Variants in NTN1 observed in about 807,000 individuals in gnomAD.
The protein encoded by NTN1 is netrin-1.
A neutral mutation model predicts 54.2 loss-of-function variants in NTN1; 11 were observed. The observed-to-expected ratio is 0.20, with a 90% CI of 0.13 to 0.34. NTN1 has a LOEUF of 0.34. Among genes scored for constraint, NTN1 ranks in the 10% least tolerant of loss-of-function variants. The pLI, the probability that NTN1 is intolerant of heterozygous loss-of-function variation, is 1.00. For missense variants in NTN1, 740 were observed against 893.1 expected, an observed-to-expected ratio of 0.83 and a Z score of 2.18; for synonymous variants, 371 against 382.0, an observed-to-expected ratio of 0.97 and a Z score of 0.33.
chr17:9,051,405 G>A (rs1020578961), intron 2 of NTN1, among the ~76,000 whole-genome samples: 2 of 152,188 alleles, frequency 1.3e-5, no homozygotes, highest in African/African-American at 4.8e-5. Flanking sequence ...GTAAATAAGA[G>A]CCAGTGCTCC....
At chr17:9,153,019 A>G (rs2092331984) in intron 2 of NTN1, among the ~76,000 whole-genome samples, 1 of 152,140 alleles carries the variant, frequency 6.6e-6, no homozygotes. Flanking sequence ...CTGTAATCCA[A>G]GCACTTTGGG....
intron 6 of NTN1, among the ~76,000 whole-genome samples, chr17:9,224,783 G>A (rs963569752): frequency 2.0e-5 from 3 of 148,234 alleles, no homozygotes; most frequent in African/African-American, 5.0e-5. Flanking sequence ...AAGGCTGGAG[G>A]AACAGCAGGT....
intron 2 of NTN1, among the ~76,000 whole-genome samples, chr17:9,062,307 T>C (rs2092001414): frequency 1.3e-5 from 2 of 152,242 alleles, no homozygotes; most frequent in African/African-American, 2.4e-5. Flanking sequence ...AGGAAAATGC[T>C]GTTTCTGTAC....
intron 2 of NTN1, among the ~76,000 whole-genome samples, chr17:9,108,878 C>A (rs2092179020): frequency 2.0e-5 from 3 of 151,858 alleles, no homozygotes; most frequent in Admixed American, 2.0e-4. Flanking sequence ...TCTTTCTTTT[C>A]TTTTCTTTCT....
upstream of NTN1, among the ~76,000 whole-genome samples, chr17:9,016,721 G>A (rs1031454941): frequency 1.3e-5 from 2 of 151,924 alleles, no homozygotes; most frequent in African/African-American, 4.8e-5. Context: ...TTGTCGCCCT[G>A]GCCCATCATA....
chr17:9,117,176 A>G (rs915778925), intron 2 of NTN1, among the ~76,000 whole-genome samples: 1 of 152,232 alleles, frequency 6.6e-6, no homozygotes, highest in African/African-American at 2.4e-5. Flanking sequence ...GCGCGTGAAT[A>G]GAGAGAAAGC....
rs73264131 is a variant in NTN1 at position 9,058,626 on chromosome 17, T to C, written c.1018+35235T>C. Among the ~76,000 whole-genome samples, 314 of 102,084 alleles carry C rather than the reference T, an allele frequency of 3.1e-3. 3 individuals carry two copies. The highest frequency in any genetic ancestry group is 0.012 in the Middle Eastern group (1 of 84). 67.0% of individuals were successfully genotyped at this position (102,084 alleles called of 152,430 possible). A position where few individuals can be genotyped will look rare whatever the true frequency, so the allele number is the denominator to read the frequency against. On this transcript the variant is annotated intron_variant, in intron 2 of 6. Coordinates refer to ENST00000173229, the MANE Select transcript of NTN1 (RefSeq NM_004822.3). ...GGGTCCATGTAAGATCCTTGGCCCA[T>C]GGTAGGCACTCAAAAAAAAAAAAAA...
chr17:9,139,298 G>A (rs1183851233), intron 2 of NTN1, among the ~76,000 whole-genome samples: 1 of 152,180 alleles, frequency 6.6e-6, no homozygotes, highest in African/African-American at 2.4e-5. Flanking sequence ...GTACCGGAGG[G>A]CCAGGCCTGA....
At chr17:9,194,046 G>A (rs1453074068) in intron 5 of NTN1, among the ~76,000 whole-genome samples, 1 of 151,332 alleles carries the variant, frequency 6.6e-6, no homozygotes, top group Non-Finnish European at 1.5e-5. Context: ...GACCAGCCTG[G>A]CCAACATAGT....
intron 2 of NTN1, among the ~76,000 whole-genome samples, chr17:9,060,087 G>C (rs760765664): frequency 6.6e-6 from 1 of 152,060 alleles, no homozygotes; most frequent in Admixed American, 6.5e-5. Context: ...AATGATAAGC[G>C]TACAGTTGGC....
At chr17:9,017,949 G>T (rs1406654692), upstream of NTN1, among the ~76,000 whole-genome samples, 9 of 152,154 alleles carry the variant, frequency 5.9e-5, no homozygotes, top group Non-Finnish European at 1.0e-4. Context: ...GGAACATTTT[G>T]CCCAGAAGAG....
At chr17:9,157,120 A>G (rs1412514278) in intron 2 of NTN1, among the ~76,000 whole-genome samples, 3 of 152,224 alleles carry the variant, frequency 2.0e-5, no homozygotes, top group African/African-American at 7.2e-5. Flanking sequence ...CACAACAAAA[A>G]TGTATGAAGG....
chr17:9,182,054 T>C (rs150263111), intron 4 of NTN1, among the ~76,000 whole-genome samples: 1 of 152,228 alleles, frequency 6.6e-6, no homozygotes, highest in African/African-American at 2.4e-5. Flanking sequence ...CATAGCTCAC[T>C]GCAACCTCAA....
intron 5 of NTN1, among the ~76,000 whole-genome samples, chr17:9,201,338 C>T (rs1259356591): frequency 6.6e-6 from 1 of 152,166 alleles, no homozygotes; most frequent in Non-Finnish European, 1.5e-5. Context: ...GAGTTCTGAA[C>T]TTACTGTGTG....
intron 5 of NTN1, among the ~76,000 whole-genome samples, chr17:9,189,682 T>TAA (rs376865303): frequency 3.4e-5 from 5 of 147,584 alleles, no homozygotes; most frequent in Admixed American, 2.7e-4. Flanking sequence ...TTTAGATAAT[T>TAA]AAAAAAAAAA....
chr17:9,190,677 C>T (rs1904426640), intron 5 of NTN1, among the ~76,000 whole-genome samples: 1 of 152,144 alleles, frequency 6.6e-6, no homozygotes, highest in Non-Finnish European at 1.5e-5. Context: ...AATGGTGAAA[C>T]CCCATCTCTA....
In NTN1 at chr17:9,239,608, G is replaced by T. The variant is rs111885121; in HGVS notation, c.1487-32G>T. On this transcript the variant is annotated intron_variant, in intron 6 of 6. Coordinates refer to ENST00000173229, the MANE Select transcript of NTN1 (RefSeq NM_004822.3). The surrounding 1 kb of genome is among the most constrained non-coding windows in gnomAD (Gnocchi z 5.2). ...GGGCGGACCTAGCCACAGCAGCTGGGAGCCCACCCGTCTGCCTGTGCTTCC... is the reference window on the plus strand; with the variant it reads ...GGGCGGACCTAGCCACAGCAGCTGGTAGCCCACCCGTCTGCCTGTGCTTCC... The T allele has an allele frequency of 6.3e-7, 1 of 1,594,332 alleles. No homozygotes were observed. Among genetic ancestry groups the T allele is most frequent in the South Asian group, 1.1e-5 (1 of 89,734 alleles).
chr17:9,217,736 A>G (rs1336621798), intron 5 of NTN1, among the ~76,000 whole-genome samples: 1 of 152,004 alleles, frequency 6.6e-6, no homozygotes, highest in South Asian at 2.1e-4. Flanking sequence ...TGTATTTTAC[A>G]TACAATTCTA....
At chr17:9,174,980 G>T (rs1053311698) in intron 3 of NTN1, 1 of 152,390 alleles carries the variant, frequency 6.6e-6, no homozygotes, top group Non-Finnish European at 1.5e-5. Flanking sequence ...CTATGGGCAC[G>T]TGGCCTTGGA....
Sources: gnomAD v4.1 joint callset for allele counts (sites outside exome capture counted in the v4.1 genomes callset) on GRCh38, gnomAD v4.1.1 for gene constraint, Gnocchi (gnomAD v3.1) non-coding constraint, MANE v1.5 for transcripts, NCBI Gene and HGNC (gene_info 2026-07-23, HGNC 2026-07-21) for gene names.